CHD6: variants seen among roughly 807,000 people sequenced by gnomAD.
CHD6 encodes chromodomain helicase DNA binding protein 6.
Under a neutral mutation model 276.9 loss-of-function variants are expected in CHD6, and 50 were observed. That is an observed-to-expected ratio of 0.18 (90% CI 0.14 to 0.23). CHD6 has a LOEUF of 0.23. CHD6 is among the 10% of genes least tolerant of loss of function. The probability of loss-of-function intolerance (pLI) is 1.00; values close to 1 mark genes in which losing one functional copy is unlikely to be tolerated. For missense variants in CHD6, 2,564 were observed against 3,365.8 expected (o/e 0.76, Z 5.89); for synonymous variants, 1,173 against 1,229.3 (o/e 0.95, Z 0.96).
chr20:41,541,655 A>C (rs576350013), intron 2 of CHD6, among the ~76,000 whole-genome samples: 22 of 152,350 alleles, frequency 1.4e-4, no homozygotes, highest in South Asian at 8.3e-4. Flanking sequence ...TAAGACTGAA[A>C]GCAGGGTATC....
Position 41,415,452 on chromosome 20 carries a change from C to T in CHD6, c.6673G>A (p.Gly2225Arg). Reference protein sequence around the residue: ...SAMDLSCSSEGSPGATSPFPV... With the variant: ...SAMDLSCSSERSPGATSPFPV... The stretch of plus-strand genomic sequence containing the variant: ...AAAGGGGATGTGGCTCCTGGGGACC[C>T]CTCTGATGAGCAGGAGAGGTCCATA... Residue 2225 changes from glycine to arginine, a missense_variant, in exon 34 of 37, where the codon GGG (glycine) becomes AGG (arginine). Physicochemically the swap from Gly to Arg is moderately radical, Grantham distance 125. This residue lies in a region of CHD6 where 1,024 missense variants were observed against 1,047.9 expected (regional missense o/e 0.98). Transcript: ENST00000373233. 1 of 1,612,728 alleles carries T rather than the reference C, an allele frequency of 6.2e-7. No homozygotes were observed.
chr20:41,440,849 C>G (rs889839575), intron 25 of CHD6, among the ~76,000 whole-genome samples: 3 of 152,242 alleles, frequency 2.0e-5, no homozygotes, highest in Non-Finnish European at 4.4e-5. Context: ...GGCAGAGTCC[C>G]CATCAGAGGA....
chr20:41,507,919 T>C (rs2044016119), intron 5 of CHD6, among the ~76,000 whole-genome samples: 1 of 152,186 alleles, frequency 6.6e-6, no homozygotes, highest in African/African-American at 2.4e-5. Flanking sequence ...AACCACAGTA[T>C]TTACCAAGTG....
rs569886034 is a variant in CHD6, at chr20:41,488,565, T to C, written c.1720A>G (p.Ile574Val). 6.2e-7 allele frequency: 1 copy of C among 1,613,826 alleles called. No individual in the cohort carries two copies. The highest frequency in any genetic ancestry group is 1.7e-5 in the Admixed American group (1 of 59,996). ...LSGVFKFHVV[I>V]TTFEMILADC... is the part of the protein sequence containing the mutation. Reference sequence around the variant, plus strand: ...GCTAGGATCATTTCAAATGTTGTGATGACGACGTGGAACTTGAAGACTCCT... The same window carrying C: ...GCTAGGATCATTTCAAATGTTGTGACGACGACGTGGAACTTGAAGACTCCT... The change falls in exon 13 of 37, where the codon ATC (isoleucine) becomes GTC (valine). Residue 574 changes from isoleucine to valine, a missense_variant. By Grantham distance (29) the Ile-to-Val change is conservative (BLOSUM62 3). This residue lies in a region of CHD6 where 457 missense variants were observed against 889.0 expected (regional missense o/e 0.51). Coordinates refer to ENST00000373233, the MANE Select transcript of CHD6 (RefSeq NM_032221.5).
intron 1 of CHD6, among the ~76,000 whole-genome samples, chr20:41,613,544 C>G: frequency 6.6e-6 from 1 of 152,178 alleles, no homozygotes; most frequent in South Asian, 2.1e-4. Flanking sequence ...GGGGATAACC[C>G]CAGGGAATGC....
At chr20:41,557,244 CGTAGGA>C (rs924201934) in intron 1 of CHD6, among the ~76,000 whole-genome samples, 39 of 152,264 alleles carry the variant, frequency 2.6e-4, no homozygotes, top group Admixed American at 2.3e-3. Context: ...TGAGTGCTTC[CGTAGGA>C]GCACGGCATT....
intron 3 of CHD6, among the ~76,000 whole-genome samples, chr20:41,517,808 G>C (rs775872120): frequency 7.9e-5 from 12 of 152,222 alleles, no homozygotes; most frequent in Non-Finnish European, 1.3e-4. Context: ...ATGCCCCAAA[G>C]TCAGCAGCAG....
intron 2 of CHD6, chr20:41,547,743 G>A: frequency 1.8e-6 from 1 of 557,822 alleles, no homozygotes; most frequent in Admixed American, 1.9e-5. Flanking sequence ...CACTTTTGAT[G>A]AGATTGTCAA....
chr20:41,611,445 C>T (rs561083959), intron 1 of CHD6, among the ~76,000 whole-genome samples: 3 of 152,258 alleles, frequency 2.0e-5, no homozygotes, highest in South Asian at 2.1e-4. Context: ...TAGTAGTTCC[C>T]GTGCAGATAT....
intron 5 of CHD6, among the ~76,000 whole-genome samples, chr20:41,504,359 G>T (rs1286788604): frequency 5.5e-5 from 8 of 144,192 alleles, no homozygotes; most frequent in African/African-American, 7.7e-5. Flanking sequence ...TCTGTTGGAA[G>T]TCTTCATTTT....
chr20:41,517,981 A>G (rs952858324), intron 3 of CHD6, among the ~76,000 whole-genome samples: 27 of 152,258 alleles, frequency 1.8e-4, no homozygotes, highest in African/African-American at 5.5e-4. Context: ...TAATGGTTTA[A>G]AAAATCAGCA....
At chr20:41,464,173 A>C (rs2042866180) in intron 17 of CHD6, among the ~76,000 whole-genome samples, 1 of 152,214 alleles carries the variant, frequency 6.6e-6, no homozygotes, top group African/African-American at 2.4e-5. Flanking sequence ...CCCTTGAAAT[A>C]ATCCTTTTCT....
chr20:41,594,476 A>C (rs1340502094), intron 1 of CHD6, among the ~76,000 whole-genome samples: 1 of 152,152 alleles, frequency 6.6e-6, no homozygotes, highest in Non-Finnish European at 1.5e-5. Flanking sequence ...CTATCTGGAA[A>C]ACTCCTAATA....
At chr20:41,574,262 G>A (rs1601156799) in intron 1 of CHD6, among the ~76,000 whole-genome samples, 1 of 151,914 alleles carries the variant, frequency 6.6e-6, no homozygotes, top group African/African-American at 2.4e-5. Context: ...GTTTACCAAG[G>A]GAAAAAAGTG....
At position 41,412,229 on chromosome 20, in the gene CHD6, C is replaced by T. The variant is rs745395297; in HGVS notation, c.7166G>A (p.Arg2389His). 2.4e-5 allele frequency: 38 copies of T among 1,614,058 alleles called. No homozygotes were observed. Among genetic ancestry groups the T allele is most frequent in the Non-Finnish European group, 2.9e-5 (34 of 1,180,014 alleles). ...FSDKPKQRRPRCKEPGKLDVS... is the reference protein window; with the variant it reads ...FSDKPKQRRPHCKEPGKLDVS... ...ATCTAATTTTCCAGGTTCTTTACAG[C>T]GTGGCCTCCTCTGCTTTGGTTTGTC... Residue 2389 changes from arginine to histidine, a missense_variant, in exon 36 of 37, where the codon CGC (arginine) becomes CAC (histidine). Coordinates refer to ENST00000373233, the MANE Select transcript of CHD6 (RefSeq NM_032221.5).
intron 3 of CHD6, among the ~76,000 whole-genome samples, chr20:41,525,723 T>C (rs144495734): frequency 1.3e-5 from 2 of 152,360 alleles, no homozygotes; most frequent in African/African-American, 4.8e-5. Flanking sequence ...TTAAGCCTTT[T>C]CTCATCTATT....
Position 41,404,440 on chromosome 20 carries a change from A to G in CHD6, c.*153T>C. ...GAAGTGGTGAGACCCTGCAACTATT[A>G]ACATCTGTTACCATAGTTCTCAGAC... On this transcript the variant is annotated 3_prime_UTR_variant, in exon 37 of 37. Coordinates refer to ENST00000373233, the MANE Select transcript of CHD6 (RefSeq NM_032221.5). The G allele has an allele frequency of 3.0e-6, 4 of 1,337,898 alleles. No individual in the cohort carries two copies. In the East Asian group the frequency reaches 1.1e-4, roughly 36 times the overall value. The allele number at this position is 1,337,898 out of a possible 1,614,324, so 82.9% of individuals were successfully genotyped here.
At chr20:41,464,728 G>T (rs910380400) in intron 17 of CHD6, among the ~76,000 whole-genome samples, 6 of 152,220 alleles carry the variant, frequency 3.9e-5, no homozygotes, top group African/African-American at 1.4e-4. Flanking sequence ...AGTAGCAGTG[G>T]GCATACCTAG....
intron 1 of CHD6, among the ~76,000 whole-genome samples, chr20:41,615,701 T>A (rs1443411149): frequency 6.6e-6 from 1 of 152,234 alleles, no homozygotes; most frequent in Non-Finnish European, 1.5e-5. Context: ...TTAAACTTGT[T>A]CAAAGAGATT....
Sources: gnomAD v4.1 joint callset for allele counts (sites outside exome capture counted in the v4.1 genomes callset) on GRCh38, gnomAD v4.1.1 for gene constraint, gnomAD v4.1.1 regional missense constraint, MANE v1.5 for transcripts, NCBI Gene and HGNC (gene_info 2026-07-23, HGNC 2026-07-21) for gene names.